ROBO2: variants seen among roughly 807,000 people sequenced by gnomAD.
The protein encoded by ROBO2 is roundabout guidance receptor 2, also known as roundabout homolog 2.
In ROBO2, 53 loss-of-function variants were observed where a neutral mutation model predicts 160.8. The ratio of observed to expected loss-of-function variants is 0.33; its 90% CI spans 0.26 to 0.41. The LOEUF is 0.41. Among genes scored for constraint, ROBO2 ranks in the 10% least tolerant of loss-of-function variants. The probability of loss-of-function intolerance (pLI) is 1.00; values close to 1 mark genes in which losing one functional copy is unlikely to be tolerated. For synonymous variants in ROBO2, 664 were observed against 611.7 expected, an observed-to-expected ratio of 1.09 and a Z score of -1.26; for missense variants, 1,577 against 1,722.4, an observed-to-expected ratio of 0.92 and a Z score of 1.49.
intron 2 of ROBO2, among the ~76,000 whole-genome samples, chr3:76,755,043 A>G (rs759778579): frequency 1.1e-4 from 16 of 151,830 alleles, no homozygotes; most frequent in African/African-American, 1.4e-4. Context: ...TGTTAAATTC[A>G]TCCATGAGGT....
At chr3:77,280,640 A>T (rs945493214) in intron 2 of ROBO2, among the ~76,000 whole-genome samples, 10 of 152,162 alleles carry the variant, frequency 6.6e-5, no homozygotes, top group African/African-American at 2.4e-4. Context: ...AAATAAGGTC[A>T]TTACATGGTC....
intron 2 of ROBO2, among the ~76,000 whole-genome samples, chr3:76,490,443 C>T (rs527465785): frequency 9.2e-5 from 14 of 152,156 alleles, no homozygotes; most frequent in South Asian, 2.1e-4. Context: ...TAGTGTCTAT[C>T]GTTAGTAAGT....
At chr3:76,020,312 T>C (rs2066535867) in intron 2 of ROBO2, among the ~76,000 whole-genome samples, 1 of 151,672 alleles carries the variant, frequency 6.6e-6, no homozygotes. Context: ...GATCTTATTT[T>C]TTATTGAATT....
intron 20 of ROBO2, among the ~76,000 whole-genome samples, chr3:77,606,760 T>G (rs1337996087): frequency 2.0e-5 from 3 of 152,216 alleles, no homozygotes; most frequent in African/African-American, 7.2e-5. Flanking sequence ...TAAATAGCCC[T>G]GCTACAAATA....
At chr3:77,480,083 G>A (rs1217796955) in intron 3 of ROBO2, among the ~76,000 whole-genome samples, 3 of 152,102 alleles carry the variant, frequency 2.0e-5, no homozygotes, top group Non-Finnish European at 4.4e-5. Flanking sequence ...ATTGAGAACA[G>A]GTTAATGGTC....
At chr3:76,266,969 G>A (rs893644696) in intron 2 of ROBO2, among the ~76,000 whole-genome samples, 15 of 151,926 alleles carry the variant, frequency 9.9e-5, no homozygotes, top group South Asian at 2.1e-4. Context: ...ATGTTCTTTC[G>A]GTACTTAAAT....
intron 2 of ROBO2, among the ~76,000 whole-genome samples, chr3:76,442,599 G>C (rs892696675): frequency 6.6e-6 from 1 of 152,078 alleles, no homozygotes; most frequent in Non-Finnish European, 1.5e-5. Flanking sequence ...GTCTACTACT[G>C]TCAGAAAATA....
At chr3:77,403,804 C>T (rs1036960442) in intron 2 of ROBO2, among the ~76,000 whole-genome samples, 2 of 151,826 alleles carry the variant, frequency 1.3e-5, no homozygotes, top group Non-Finnish European at 2.9e-5. Flanking sequence ...TTTCTATGTA[C>T]CAAACATTTC....
At chr3:77,233,947 G>T (rs1275656598) in intron 2 of ROBO2, among the ~76,000 whole-genome samples, 1 of 152,068 alleles carries the variant, frequency 6.6e-6, no homozygotes, top group Non-Finnish European at 1.5e-5. Flanking sequence ...CTGTATTTGT[G>T]TTTCTGTTTT....
At chr3:76,473,641 G>GTGA (rs761427755) in intron 2 of ROBO2, among the ~76,000 whole-genome samples, 19 of 152,098 alleles carry the variant, frequency 1.2e-4, no homozygotes, top group Non-Finnish European at 1.9e-4. Flanking sequence ...GGGGATAGAG[G>GTGA]TGATGCCTTT....
intron 2 of ROBO2, among the ~76,000 whole-genome samples, chr3:77,229,213 T>C (rs1272556788): frequency 5.3e-5 from 8 of 152,166 alleles, no homozygotes; most frequent in Non-Finnish European, 7.3e-5. Flanking sequence ...GAGATTATTA[T>C]ATGTACATTA....
chr3:77,004,483 A>G (rs1368881585), intron 2 of ROBO2, among the ~76,000 whole-genome samples: 1 of 152,218 alleles, frequency 6.6e-6, no homozygotes, highest in East Asian at 1.9e-4. Flanking sequence ...CTGTGAAAAG[A>G]GAAACCCTGT....
At chr3:77,297,408 T>C (rs1355054434) in intron 2 of ROBO2, among the ~76,000 whole-genome samples, 3 of 152,130 alleles carry the variant, frequency 2.0e-5, no homozygotes, top group Non-Finnish European at 2.9e-5. Context: ...TAGAGTCTCT[T>C]GATTTTTGAA....
chr3:77,165,212 C>T (rs1190524096), intron 2 of ROBO2, among the ~76,000 whole-genome samples: 4 of 150,248 alleles, frequency 2.7e-5, no homozygotes, highest in Admixed American at 6.7e-5. Flanking sequence ...TTTTGTTCTG[C>T]ACTAAGAAAA....
intron 1 of ROBO2, among the ~76,000 whole-genome samples, chr3:77,078,402 A>T (rs2068248126): frequency 6.6e-6 from 1 of 152,182 alleles, no homozygotes; most frequent in Non-Finnish European, 1.5e-5. Context: ...AGGAGATATT[A>T]TCATCACCAT....
chr3:77,211,705 T>G (rs1416355606), intron 2 of ROBO2, among the ~76,000 whole-genome samples: 1 of 152,222 alleles, frequency 6.6e-6, no homozygotes, highest in Non-Finnish European at 1.5e-5. Context: ...TTTATGGTTT[T>G]AGGTCTAACA....
chr3:76,434,843 C>A (rs748392731), intron 2 of ROBO2: 38 of 1,568,306 alleles, frequency 2.4e-5, no homozygotes, highest in Admixed American at 3.3e-5. Context: ...TGAAGACTCA[C>A]AAGAACCCTG....
chr3:77,575,627 C>G (rs932754638), intron 14 of ROBO2, among the ~76,000 whole-genome samples: 3 of 152,004 alleles, frequency 2.0e-5, no homozygotes, highest in African/African-American at 7.2e-5. Context: ...GGCAAAAATG[C>G]ATATTCAAAA....
At position 77,407,336 on chromosome 3, in the gene ROBO2, C is replaced by T. The variant is rs559014843; in HGVS notation, c.389-70078C>T. Among the ~76,000 whole-genome samples, 9 of 152,106 alleles carry T rather than the reference C, an allele frequency of 5.9e-5. No homozygotes were observed. In the East Asian group the frequency reaches 1.7e-3, roughly 29 times the overall value. On this transcript the variant is annotated intron_variant, in intron 2 of 25. Transcript: ENST00000461745. ...TAGTTTTCTCTAAGCCTTTTAGAATCGTTTCTTTAGATATTTATATGATCT... is the reference window on the plus strand; with the variant it reads ...TAGTTTTCTCTAAGCCTTTTAGAATTGTTTCTTTAGATATTTATATGATCT...
Sources: gnomAD v4.1 joint callset for allele counts (sites outside exome capture counted in the v4.1 genomes callset) on GRCh38, gnomAD v4.1.1 for gene constraint, MANE v1.5 for transcripts, NCBI Gene and HGNC (gene_info 2026-07-23, HGNC 2026-07-21) for gene names.